AMOTL1: variants seen among roughly 807,000 people sequenced by gnomAD.
The protein encoded by AMOTL1 is angiomotin-like protein 1.
A neutral mutation model predicts 102.9 loss-of-function variants in AMOTL1; 45 were observed. The ratio of observed to expected loss-of-function variants is 0.44; its 90% CI spans 0.34 to 0.56. AMOTL1 has a LOEUF of 0.56. AMOTL1 is among the 20% of genes least tolerant of loss of function. AMOTL1 has a pLI of 0.01. For synonymous variants in AMOTL1, 481 were observed against 484.7 expected (o/e 0.99, Z 0.10); for missense variants, 1,114 against 1,225.6 (o/e 0.91, Z 1.36).
Position 94,742,169 on chromosome 11 carries a change from T to C in AMOTL1, c.136+1181T>C, listed in dbSNP as rs187348167. Among the ~76,000 whole-genome samples the C allele has an allele frequency of 1.4e-3, 216 of 152,384 alleles. 1 individual carries two copies. Among genetic ancestry groups the C allele is most frequent in the Non-Finnish European group, 2.2e-3 (148 of 68,040 alleles). ...GGCAATCACATCTCTATCAGTGGAA[T>C]TGTAGACTAAATGCATGAGCAAAAC... On this transcript the variant is annotated intron_variant, in intron 3 of 4. Transcript: ENST00000299004.
chr11:94,836,596 A>G (rs1348473768), intron 6 of AMOTL1, among the ~76,000 whole-genome samples: 2 of 152,226 alleles, frequency 1.3e-5, no homozygotes, highest in African/African-American at 2.4e-5. Context: ...CAGTGTCAGT[A>G]TCAAAATATT....
At chr11:94,856,190 C>T (rs1226502446) in intron 8 of AMOTL1, among the ~76,000 whole-genome samples, 1 of 152,158 alleles carries the variant, frequency 6.6e-6, no homozygotes, top group East Asian at 1.9e-4. Flanking sequence ...TATCCCTTAT[C>T]TGAAATGCTT....
rs551246475 is a variant in AMOTL1 at position 94,853,499 on chromosome 11, A to G, written c.1795-434A>G. 7.2e-5 allele frequency among the ~76,000 whole-genome samples: 11 copies of G among 152,322 alleles called. No individual in the cohort carries two copies. The East Asian group carries it at 1.9e-3, about 27-fold the overall frequency. ...TGATCTCATTCCTTTTTATGGCTGCATAGTATTCCATGGTGTATATGTACC... is the reference window on the plus strand; with the variant it reads ...TGATCTCATTCCTTTTTATGGCTGCGTAGTATTCCATGGTGTATATGTACC... On this transcript the variant is annotated intron_variant, in intron 7 of 12. Transcript: ENST00000433060.
chr11:94,767,340 G>A (rs1197280686), upstream of AMOTL1, among the ~76,000 whole-genome samples: 1 of 152,132 alleles, frequency 6.6e-6, no homozygotes, highest in African/African-American at 2.4e-5. Context: ...GGGCCCATCA[G>A]GGGAATCAGA....
intron 6 of AMOTL1, among the ~76,000 whole-genome samples, chr11:94,843,024 A>T (rs1952339352): frequency 6.6e-6 from 1 of 152,222 alleles, no homozygotes; most frequent in South Asian, 2.1e-4. Flanking sequence ...CTATGTATCC[A>T]GCTGCCTGGC....
chr11:94,724,579 G>T (rs1164374471), intron 1 of AMOTL1, among the ~76,000 whole-genome samples: 1 of 152,084 alleles, frequency 6.6e-6, no homozygotes, highest in African/African-American at 2.4e-5. Flanking sequence ...GGTTTACCCT[G>T]TGCATGCATC....
chr11:94,726,208 G>A (rs544925142), intron 1 of AMOTL1, among the ~76,000 whole-genome samples: 4 of 152,238 alleles, frequency 2.6e-5, no homozygotes, highest in East Asian at 1.9e-4. Flanking sequence ...TCTGGTCTAC[G>A]GGTTTTAACA....
At chr11:94,797,279 G>C (rs1237308343) in intron 2 of AMOTL1, among the ~76,000 whole-genome samples, 1 of 152,246 alleles carries the variant, frequency 6.6e-6, no homozygotes, top group Non-Finnish European at 1.5e-5. Flanking sequence ...GGTCATGCCA[G>C]TAGTTAGTGG....
At chr11:94,783,483 G>A (rs986552665) in intron 1 of AMOTL1, among the ~76,000 whole-genome samples, 6 of 152,126 alleles carry the variant, frequency 3.9e-5, no homozygotes, top group Admixed American at 2.6e-4. Flanking sequence ...AATTGTACAC[G>A]AAATATATGT....
At chr11:94,787,687 C>CAAAA (rs59563004) in intron 1 of AMOTL1, among the ~76,000 whole-genome samples, 3 of 57,544 alleles carry the variant, frequency 5.2e-5, no homozygotes, top group African/African-American at 1.6e-4. Flanking sequence ...AACTCCGTCT[C>CAAAA]AAAAAAAAAA....
At chr11:94,814,884 T>G (rs994110736) in intron 3 of AMOTL1, among the ~76,000 whole-genome samples, 1 of 152,216 alleles carries the variant, frequency 6.6e-6, no homozygotes, top group Non-Finnish European at 1.5e-5. Flanking sequence ...ATGTTAGATA[T>G]TCTCACCATG....
chr11:94,806,846 G>A (rs530264427), intron 3 of AMOTL1, among the ~76,000 whole-genome samples: 1 of 152,264 alleles, frequency 6.6e-6, no homozygotes, highest in East Asian at 1.9e-4. Flanking sequence ...GTCTTCATTT[G>A]AACAGTTATG....
intron 1 of AMOTL1, among the ~76,000 whole-genome samples, chr11:94,791,775 A>T (rs748895646): frequency 6.6e-5 from 10 of 152,212 alleles, no homozygotes; most frequent in Non-Finnish European, 1.3e-4. Context: ...AGTCCCTCTC[A>T]TGCCATAGGT....
chr11:94,866,969 G>A (rs1033190077), intron 11 of AMOTL1, among the ~76,000 whole-genome samples: 6 of 152,242 alleles, frequency 3.9e-5, no homozygotes, highest in Non-Finnish European at 8.8e-5. Flanking sequence ...AGCAGGCAGC[G>A]TGCTCAGACA....
intron 6 of AMOTL1, among the ~76,000 whole-genome samples, chr11:94,832,477 T>A (rs1952093154): frequency 6.6e-6 from 1 of 152,248 alleles, no homozygotes; most frequent in Non-Finnish European, 1.5e-5. Flanking sequence ...GTCCCCCAGA[T>A]TGATTAATTA....
At chr11:94,801,970 G>A (rs1192982070) in intron 3 of AMOTL1, among the ~76,000 whole-genome samples, 1 of 152,178 alleles carries the variant, frequency 6.6e-6, no homozygotes, top group Non-Finnish European at 1.5e-5. Flanking sequence ...CTATGTGCAG[G>A]ACATACCTTG....
At chr11:94,866,313 T>G (rs775870610) in intron 11 of AMOTL1, 145 bp downstream of exon 11, 8 of 770,132 alleles carry the variant, frequency 1.0e-5, no homozygotes, top group South Asian at 1.8e-5. Flanking sequence ...TCAGTCATAC[T>G]TCAGTTATAG....
chr11:94,861,073 G>A (rs545212831), intron 9 of AMOTL1, among the ~76,000 whole-genome samples: 50 of 152,142 alleles, frequency 3.3e-4, no homozygotes, highest in Admixed American at 6.5e-4. Flanking sequence ...TGTGGAAAAT[G>A]ACCGTTTGGG....
intron 2 of AMOTL1, among the ~76,000 whole-genome samples, chr11:94,732,338 G>A (rs1033676166): frequency 6.6e-6 from 1 of 152,088 alleles, no homozygotes; most frequent in Non-Finnish European, 1.5e-5. Flanking sequence ...AGAGCATCTC[G>A]GGCTGCAATT....
Sources: gnomAD v4.1 joint callset for allele counts (sites outside exome capture counted in the v4.1 genomes callset) on GRCh38, gnomAD v4.1.1 for gene constraint, MANE v1.5 for transcripts, NCBI Gene and HGNC (gene_info 2026-07-23, HGNC 2026-07-21) for gene names.